GSK3B: variants seen among roughly 807,000 people sequenced by gnomAD.
GSK3B encodes the protein glycogen synthase kinase-3 beta.
Under a neutral mutation model 56.4 loss-of-function variants are expected in GSK3B, and 15 were observed. The ratio of observed to expected loss-of-function variants is 0.27; its 90% confidence interval spans 0.18 to 0.41. The LOEUF (loss-of-function observed/expected upper bound fraction) is 0.41, where lower values mean the gene tolerates loss of function less well. Among genes scored for constraint, GSK3B ranks in the 10% least tolerant of loss-of-function variants. The pLI, the probability that GSK3B is intolerant of heterozygous loss-of-function variation, is 1.00. For synonymous variants in GSK3B, 181 were observed against 188.9 expected (o/e 0.96, Z 0.34); for missense variants, 300 against 513.4 (o/e 0.58, Z 4.02).
intron 1 of GSK3B, among the ~76,000 whole-genome samples, chr3:120,020,707 T>C (rs1230068404): frequency 6.6e-6 from 1 of 152,024 alleles, no homozygotes; most frequent in Non-Finnish European, 1.5e-5. Flanking sequence ...GAGAGAAGAG[T>C]CACCTATCTC....
At chr3:119,856,651 A>C (rs530729379) in intron 9 of GSK3B, among the ~76,000 whole-genome samples, 37 of 152,254 alleles carry the variant, frequency 2.4e-4, no homozygotes, top group African/African-American at 8.9e-4. Flanking sequence ...GTGTGTCTCC[A>C]CTGGCCTACC....
At chr3:120,007,320 C>T (rs1039234616) in intron 1 of GSK3B, among the ~76,000 whole-genome samples, 1 of 152,148 alleles carries the variant, frequency 6.6e-6, no homozygotes, top group Non-Finnish European at 1.5e-5. Context: ...CAGCCGAATT[C>T]TACCAGAGGT....
chr3:119,875,853 T>C (rs558822851), intron 8 of GSK3B, among the ~76,000 whole-genome samples: 2 of 152,080 alleles, frequency 1.3e-5, no homozygotes, highest in African/African-American at 4.8e-5. Flanking sequence ...AATGTTAAGG[T>C]TGGGTTTTTC....
chr3:119,971,636 G>C (rs2057368162), intron 2 of GSK3B, among the ~76,000 whole-genome samples: 1 of 95,988 alleles, frequency 1.0e-5, no homozygotes, highest in Non-Finnish European at 1.8e-5. Context: ...TTTTGAGACG[G>C]AGTCTCGCTC....
chr3:119,983,338 C>G (rs762062872), intron 2 of GSK3B, among the ~76,000 whole-genome samples: 5 of 152,074 alleles, frequency 3.3e-5, no homozygotes, highest in Non-Finnish European at 7.4e-5. Flanking sequence ...ATGACAGGAA[C>G]AAATTCATAT....
At chr3:119,906,888 C>T (rs539784154) in intron 6 of GSK3B, among the ~76,000 whole-genome samples, 22 of 152,132 alleles carry the variant, frequency 1.4e-4, no homozygotes, top group East Asian at 1.4e-3. Context: ...GACTGGAAAT[C>T]GTTGCTCCAG....
At chr3:120,073,296 A>C (rs1420900038) in intron 1 of GSK3B, among the ~76,000 whole-genome samples, 1 of 151,670 alleles carries the variant, frequency 6.6e-6, no homozygotes, top group East Asian at 1.9e-4. Context: ...GGCTGATGCA[A>C]GAGTATCACC....
intron 3 of GSK3B, among the ~76,000 whole-genome samples, chr3:119,932,676 TA>T (rs201451693): frequency 6.7e-6 from 1 of 148,772 alleles, no homozygotes; most frequent in African/African-American, 2.5e-5. Context: ...ACAAACCCAG[TA>T]AAAAAAAACC....
At chr3:120,034,101 T>G (rs1163528448) in intron 1 of GSK3B, among the ~76,000 whole-genome samples, 1 of 142,200 alleles carries the variant, frequency 7.0e-6, no homozygotes, top group Non-Finnish European at 1.5e-5. Context: ...ATTATTGAAC[T>G]GTAAGAGTTC....
At chr3:120,039,111 A>C (rs2058045690) in intron 1 of GSK3B, among the ~76,000 whole-genome samples, 1 of 152,256 alleles carries the variant, frequency 6.6e-6, no homozygotes, top group African/African-American at 2.4e-5. Context: ...ATATGTCATT[A>C]GGGAATTGTA....
rs538325946 is a variant in GSK3B at position 120,037,644 on chromosome 3, C to T, written c.89-35405G>A. Among the ~76,000 whole-genome samples, 16 of 150,920 alleles carry T rather than the reference C, an allele frequency of 1.1e-4. No individual in the cohort carries two copies. The South Asian group carries it at 3.3e-3, about 31-fold the overall frequency. The stretch of plus-strand genomic sequence containing the variant: ...GTAAATAAAAAATAAAAATAAAGCA[C>T]TACAGCTCTTTTTTTTTTTACCATC... On this transcript the variant is annotated intron_variant, in intron 1 of 10. Transcript: ENST00000264235.
chr3:119,905,465 G>A (rs989114286), intron 7 of GSK3B, among the ~76,000 whole-genome samples: 1 of 152,048 alleles, frequency 6.6e-6, no homozygotes, highest in Non-Finnish European at 1.5e-5. Flanking sequence ...ATTTTAGTGA[G>A]CTTATAGTCT....
intron 1 of GSK3B, among the ~76,000 whole-genome samples, chr3:120,048,817 T>G (rs533004371): frequency 6.6e-6 from 1 of 152,302 alleles, no homozygotes; most frequent in Admixed American, 6.5e-5. Flanking sequence ...AACAGTACTT[T>G]TAGTATGACT....
chr3:119,983,615 C>T (rs1408287737), intron 2 of GSK3B, among the ~76,000 whole-genome samples: 1 of 151,784 alleles, frequency 6.6e-6, no homozygotes, highest in Non-Finnish European at 1.5e-5. Context: ...CAAAGAAAGC[C>T]ATTACATGAT....
intron 1 of GSK3B, among the ~76,000 whole-genome samples, chr3:120,062,295 A>C (rs1374288200): frequency 6.6e-6 from 1 of 152,220 alleles, no homozygotes; most frequent in Non-Finnish European, 1.5e-5. Flanking sequence ...ACTTGTTTAA[A>C]GTATGTTACA....
intron 2 of GSK3B, among the ~76,000 whole-genome samples, chr3:119,967,838 C>CTT (rs1237302608): frequency 3.9e-5 from 3 of 76,228 alleles, no homozygotes; most frequent in Non-Finnish European, 7.2e-5. Context: ...TTCTCTTTCT[C>CTT]TCTCTCTCTC....
At chr3:119,940,044 A>G (rs572021831) in intron 3 of GSK3B, among the ~76,000 whole-genome samples, 62 of 152,124 alleles carry the variant, frequency 4.1e-4, no homozygotes, top group South Asian at 4.0e-3. Context: ...AAACTAATAC[A>G]TGATACTATA....
At chr3:119,869,603 C>T (rs2056227720) in intron 8 of GSK3B, among the ~76,000 whole-genome samples, 1 of 152,282 alleles carries the variant, frequency 6.6e-6, no homozygotes, top group African/African-American at 2.4e-5. Context: ...AAAGCCTTAT[C>T]GAGTTTTCCC....
intron 2 of GSK3B, among the ~76,000 whole-genome samples, chr3:119,995,308 GGGT>G (rs1246616718): frequency 2.6e-5 from 4 of 151,828 alleles, no homozygotes; most frequent in Non-Finnish European, 4.4e-5. Flanking sequence ...TCTCCAGCCT[GGGT>G]TATACGGCAA....
Sources: allele counts gnomAD v4.1 joint callset (sites outside exome capture counted in the v4.1 genomes callset), GRCh38; gene constraint gnomAD v4.1.1; transcripts MANE v1.5; gene names NCBI Gene and HGNC (gene_info 2026-07-23, HGNC 2026-07-21).